Variants in MIR2052HG observed in about 807,000 individuals in gnomAD.
MIR2052HG encodes MIR2052 host gene.
intron 2 of MIR2052HG, among the ~76,000 whole-genome samples, chr8:74,670,135 C>T (rs1489900569): frequency 1.3e-5 from 2 of 152,178 alleles, no homozygotes; most frequent in African/African-American, 2.4e-5. Flanking sequence ...TTTCAGACTT[C>T]CAGTCTTCAA....
intron 4 of MIR2052HG, among the ~76,000 whole-genome samples, chr8:74,709,530 T>C (rs1346520494): frequency 2.0e-5 from 3 of 152,108 alleles, no homozygotes; most frequent in African/African-American, 7.2e-5. Flanking sequence ...TATCTATCTG[T>C]TTCAGAATTT....
chr8:74,615,811 T>C (rs952254275), intron 2 of MIR2052HG, among the ~76,000 whole-genome samples: 1 of 152,088 alleles, frequency 6.6e-6, no homozygotes, highest in Non-Finnish European at 1.5e-5. Context: ...CCACCCTGTG[T>C]CCAAGTGTTA....
chr8:74,612,203 A>G (rs937820624), intron 1 of MIR2052HG, among the ~76,000 whole-genome samples: 5 of 152,230 alleles, frequency 3.3e-5, no homozygotes, highest in East Asian at 1.9e-4. Context: ...TTATCTCACA[A>G]TGTTCCATTC....
intron 2 of MIR2052HG, among the ~76,000 whole-genome samples, chr8:74,655,018 G>A (rs998307618): frequency 2.0e-5 from 3 of 152,172 alleles, no homozygotes; most frequent in African/African-American, 7.2e-5. Context: ...TTATGTTTTA[G>A]CAAAGAGACT....
At chr8:74,697,644 T>A (rs748568010) in intron 2 of MIR2052HG, among the ~76,000 whole-genome samples, 4 of 152,030 alleles carry the variant, frequency 2.6e-5, no homozygotes, top group African/African-American at 4.8e-5. Flanking sequence ...AATACAAAAT[T>A]AATGTACACA....
intron 2 of MIR2052HG, among the ~76,000 whole-genome samples, chr8:74,670,226 C>T (rs1808975989): frequency 6.6e-6 from 1 of 152,116 alleles, no homozygotes; most frequent in Admixed American, 6.6e-5. Context: ...GATTGGGGTA[C>T]CATCTGTCTT....
chr8:74,744,527 C>T (rs1009854011), intron 4 of MIR2052HG, among the ~76,000 whole-genome samples: 5 of 151,806 alleles, frequency 3.3e-5, no homozygotes, highest in African/African-American at 1.2e-4. Context: ...TTCCTGTGTC[C>T]ATGTGATCTC....
At chr8:74,668,054 C>T (rs1741061994) in intron 2 of MIR2052HG, among the ~76,000 whole-genome samples, 1 of 151,602 alleles carries the variant, frequency 6.6e-6, no homozygotes, top group African/African-American at 2.4e-5. Context: ...GTGACCCTCC[C>T]TCTGCAGGAG....
At chr8:74,603,672 G>T (rs193279983) in intron 1 of MIR2052HG, 1 of 1,057,818 alleles carries the variant, frequency 9.5e-7, no homozygotes, top group Non-Finnish European at 1.5e-6. Flanking sequence ...AGGCCTGACC[G>T]CCTGCAAAGA....
chr8:74,603,296 T>G, intron 1 of MIR2052HG: 1 of 1,577,918 alleles, frequency 6.3e-7, no homozygotes, highest in Non-Finnish European at 8.7e-7. Context: ...TTCTAGCTGC[T>G]CCCCATGCCA....
intron 2 of MIR2052HG, among the ~76,000 whole-genome samples, chr8:74,684,694 A>C (rs1809161301): frequency 6.6e-6 from 1 of 152,144 alleles, no homozygotes; most frequent in Non-Finnish European, 1.5e-5. Context: ...ACCTGGTTTC[A>C]CATTATTAGT....
chr8:74,731,880 GAAGA>G (rs1372382820), intron 4 of MIR2052HG, among the ~76,000 whole-genome samples: 1 of 152,118 alleles, frequency 6.6e-6, no homozygotes, highest in Non-Finnish European at 1.5e-5. Context: ...CAATACAGAA[GAAGA>G]ATAATTATAG....
intron 4 of MIR2052HG, among the ~76,000 whole-genome samples, chr8:74,727,651 T>A (rs1222006089): frequency 6.6e-6 from 1 of 152,228 alleles, no homozygotes; most frequent in Non-Finnish European, 1.5e-5. Context: ...ACAGACCTAC[T>A]TGCATATTTT....
chr8:74,727,034 A>T (rs1349137362), intron 4 of MIR2052HG, among the ~76,000 whole-genome samples: 2 of 152,222 alleles, frequency 1.3e-5, no homozygotes, highest in African/African-American at 4.8e-5. Flanking sequence ...GTCTGTACAG[A>T]CAAATTCAAC....
intron 4 of MIR2052HG, among the ~76,000 whole-genome samples, chr8:74,722,437 A>G (rs185833652): frequency 2.6e-5 from 4 of 152,332 alleles, no homozygotes; most frequent in Admixed American, 2.6e-4. Context: ...GATATTTATG[A>G]CTATGTATTT....
At chr8:74,613,029 T>C in intron 2 of MIR2052HG, 1 of 425,686 alleles carries the variant, frequency 2.3e-6, no homozygotes, top group South Asian at 1.7e-5. Flanking sequence ...CAGTGAAACC[T>C]CACTAAAGGG....
At chr8:74,621,845 A>T (rs2128732777) in intron 2 of MIR2052HG, among the ~76,000 whole-genome samples, 1 of 152,334 alleles carries the variant, frequency 6.6e-6, no homozygotes, top group East Asian at 1.9e-4. Flanking sequence ...CTATATACCC[A>T]CATGCAGAAG....
intron 4 of MIR2052HG, among the ~76,000 whole-genome samples, chr8:74,719,967 A>G (rs1326267238): frequency 7.1e-6 from 1 of 140,522 alleles, no homozygotes; most frequent in Non-Finnish European, 1.5e-5. Flanking sequence ...CCTTGCCTCA[A>G]CCTCCCGAGT....
chr8:74,662,937 A>G (rs1387823304), intron 2 of MIR2052HG, among the ~76,000 whole-genome samples: 1 of 151,930 alleles, frequency 6.6e-6, no homozygotes, highest in Non-Finnish European at 1.5e-5. Context: ...ATTTTAAAAA[A>G]CAGATACTTT....
Sources: allele counts gnomAD v4.1 joint callset (sites outside exome capture counted in the v4.1 genomes callset), GRCh38; gene constraint gnomAD v4.1.1; transcripts MANE v1.5; gene names NCBI Gene and HGNC (gene_info 2026-07-23, HGNC 2026-07-21).